The following AFM variants were observed in gnomAD, a reference collection of about 807,000 sequenced individuals.
AFM encodes the protein alpha-Alb.
Under a neutral mutation model 68.7 loss-of-function variants are expected in AFM, and 82 were observed. The observed-to-expected ratio is 1.19, with a 90% CI of 1.00 to 1.43. The LOEUF (loss-of-function observed/expected upper bound fraction) is 1.43, where lower values mean the gene tolerates loss of function less well. Ranked by LOEUF, AFM falls within the 40% of genes most tolerant of loss-of-function variation. The probability of loss-of-function intolerance (pLI) is 0.00; values close to 1 mark genes in which losing one functional copy is unlikely to be tolerated. For missense variants in AFM, 772 were observed against 701.8 expected, an observed-to-expected ratio of 1.10 and a Z score of -1.13; for synonymous variants, 250 against 234.2, an observed-to-expected ratio of 1.07 and a Z score of -0.61.
At chr4:73,491,850 C>A in intron 7 of AFM, 22 bp from the exon 8 acceptor site, 1 of 1,589,410 alleles carries the variant, frequency 6.3e-7, no homozygotes, top group Non-Finnish European at 8.6e-7. Context: ...GTAAAATAAT[C>A]TCTCATTCTT....
At chr4:73,499,878 T>G (rs1353516291) in intron 11 of AFM, 126 bp from the exon 12 acceptor site, 6 of 758,034 alleles carry the variant, frequency 7.9e-6, no homozygotes, top group South Asian at 3.6e-5. Flanking sequence ...ATGTCATGAG[T>G]GCATGTGTTT....
intron 1 of AFM, among the ~76,000 whole-genome samples, chr4:73,483,378 C>T (rs1314481815): frequency 6.6e-6 from 1 of 152,196 alleles, no homozygotes; most frequent in Non-Finnish European, 1.5e-5. Context: ...CAGGGTCCAG[C>T]ACAACACTTT....
intron 11 of AFM, among the ~76,000 whole-genome samples, chr4:73,499,720 G>C (rs1238486836): frequency 2.6e-5 from 4 of 152,122 alleles, no homozygotes; most frequent in Middle Eastern, 3.4e-3. Context: ...CCTTTCAGTT[G>C]GCTTTTTGCA....
chr4:73,485,422 G>A (rs1340994163), intron 3 of AFM, among the ~76,000 whole-genome samples: 1 of 151,940 alleles, frequency 6.6e-6, no homozygotes. Context: ...GCTTTGATTT[G>A]GCACACCTGT....
At chr4:73,502,849 G>A (rs964676301) in intron 13 of AFM, among the ~76,000 whole-genome samples, 1 of 152,090 alleles carries the variant, frequency 6.6e-6, no homozygotes, top group Non-Finnish European at 1.5e-5. Flanking sequence ...GCCATGTGAA[G>A]GAAAGGATGA....
chr4:73,492,087 G>A lies in AFM; in HGVS notation c.1058+1G>A. 1 of 1,600,606 alleles carries A rather than the reference G, an allele frequency of 6.2e-7. No homozygotes were observed. Among genetic ancestry groups the A allele is most frequent in the Non-Finnish European group, 8.5e-7 (1 of 1,175,224 alleles). On this transcript the variant is annotated splice_donor_variant, in intron 8 of 14. Coordinates refer to ENST00000226355, the MANE Select transcript of AFM (RefSeq NM_001133.2). LOFTEE classifies it high-confidence loss of function. ...CTGACCCAGACACCTTCTTTGCGAA[G>A]TAATATAACTCTTTATTGAATTTAT...
At chr4:73,484,495 T>TTTCTTTCA (rs1720827242) in intron 3 of AFM, 105 bp downstream of exon 3, 1 of 731,462 alleles carries the variant, frequency 1.4e-6, no homozygotes, top group Non-Finnish European at 1.9e-6. Flanking sequence ...TCTTTCTTTC[T>TTTCTTTCA]TTCTTTCTTT....
chr4:73,487,249 T>C, intron 5 of AFM, 150 bp downstream of exon 5: 1 of 828,892 alleles, frequency 1.2e-6, no homozygotes, highest in Non-Finnish European at 1.8e-6. Context: ...GGTCACCAGG[T>C]GCTGATCTAA....
chr4:73,497,187 A>C (rs1248474351), intron 9 of AFM, among the ~76,000 whole-genome samples: 1 of 152,206 alleles, frequency 6.6e-6, no homozygotes, highest in Non-Finnish European at 1.5e-5. Flanking sequence ...TAAGTTCCAA[A>C]TCTAAACAAT....
At chr4:73,499,800 T>A (rs550094295) in intron 11 of AFM, among the ~76,000 whole-genome samples, 1 of 152,282 alleles carries the variant, frequency 6.6e-6, no homozygotes, top group Non-Finnish European at 1.5e-5. Flanking sequence ...TCTAAATTCT[T>A]ATGGCTTGGA....
chr4:73,502,930 C>G (rs1176040257), intron 13 of AFM, 120 bp from the exon 14 acceptor site: 1 of 945,204 alleles, frequency 1.1e-6, no homozygotes. Context: ...TACTGTTTCC[C>G]TGTACAACGT....
chr4:73,484,422 T>C (rs890737447), intron 3 of AFM, 32 bp downstream of exon 3: 8 of 1,445,744 alleles, frequency 5.5e-6, no homozygotes, highest in Non-Finnish European at 7.4e-6. Context: ...CTTTTCCTTT[T>C]ATCTTATGTC....
intron 11 of AFM, 46 bp downstream of exon 11, chr4:73,499,292 A>T (rs776274193): frequency 2.3e-5 from 32 of 1,390,480 alleles, no homozygotes; most frequent in African/African-American, 1.2e-4. Context: ...TTTTTTTTTA[A>T]AAAAAAGAAT....
chr4:73,489,851 C>T (rs1335141672), intron 7 of AFM, among the ~76,000 whole-genome samples: 1 of 152,178 alleles, frequency 6.6e-6, no homozygotes, highest in African/African-American at 2.4e-5. Flanking sequence ...AGGAGAGCAT[C>T]AAAGTAGCTC....
intron 4 of AFM, 137 bp downstream of exon 4, chr4:73,486,210 G>A (rs1720899124): frequency 6.6e-6 from 5 of 756,062 alleles, no homozygotes; most frequent in Non-Finnish European, 1.1e-5. Flanking sequence ...CATACTGTGT[G>A]TCAGATACTG....
intron 2 of AFM, 89 bp from the exon 3 acceptor site, chr4:73,484,169 G>A: frequency 6.8e-7 from 1 of 1,479,512 alleles, no homozygotes; most frequent in Non-Finnish European, 9.0e-7. Context: ...AATTTCCTGA[G>A]GCTAGTCAGG....
chr4:73,484,437 T>G, intron 3 of AFM, 47 bp downstream of exon 3: 2 of 1,291,290 alleles, frequency 1.5e-6, no homozygotes, highest in East Asian at 5.5e-5. Flanking sequence ...TATGTCTTTC[T>G]TTCTCTTTCT....
Position 73,501,878 on chromosome 4 carries a change from TGCTGCAAA to T in AFM, c.1741_1748del (p.Cys581ArgfsTer4). On this transcript the variant is annotated frameshift_variant, in exon 13 of 15. Coordinates refer to ENST00000226355, the MANE Select transcript of AFM (RefSeq NM_001133.2). LOFTEE classifies it high-confidence loss of function. ...AAATTTCGCAAATGTAGTGGATAAG[TGCTGCAAA>T]GCAGAGAGTCCTGAAGTCTGCTTTA... 1 of 1,613,564 alleles carries T rather than the reference TGCTGCAAA, an allele frequency of 6.2e-7. No individual in the cohort carries two copies. The highest frequency in any genetic ancestry group is 8.5e-7 in the Non-Finnish European group (1 of 1,179,658).
At chr4:73,488,853 C>A in intron 7 of AFM, 94 bp downstream of exon 7, 8 of 1,169,772 alleles carry the variant, frequency 6.8e-6, no homozygotes, top group East Asian at 5.2e-5. Context: ...TACTTTGCCA[C>A]AATGAAATCA....
Sources: allele counts gnomAD v4.1 joint callset (sites outside exome capture counted in the v4.1 genomes callset), GRCh38; gene constraint gnomAD v4.1.1; transcripts MANE v1.5; gene names NCBI Gene and HGNC (gene_info 2026-07-23, HGNC 2026-07-21).